FAM168A: variants seen among roughly 807,000 people sequenced by gnomAD.
FAM168A encodes the protein family with sequence similarity 168 member A.
Under a neutral mutation model 28.5 loss-of-function variants are expected in FAM168A, and 3 were observed. The observed-to-expected ratio is 0.11, with a 90% confidence interval of 0.05 to 0.27. The LOEUF (loss-of-function observed/expected upper bound fraction) is 0.27, where lower values mean the gene tolerates loss of function less well. Ranked by LOEUF, FAM168A falls within the 10% of genes least tolerant of loss-of-function variation. The pLI is 1.00. For synonymous variants in FAM168A, 122 were observed against 124.2 expected, an observed-to-expected ratio of 0.98 and a Z score of 0.12; for missense variants, 222 against 311.5, an observed-to-expected ratio of 0.71 and a Z score of 2.16.
chr11:73,550,333 T>C (rs1276512167), intron 1 of FAM168A, among the ~76,000 whole-genome samples: 2 of 152,162 alleles, frequency 1.3e-5, no homozygotes, highest in Non-Finnish European at 2.9e-5. Context: ...AGGAAGCTAC[T>C]CAGAGATAAA....
chr11:73,594,067 G>A (rs1473285334), intron 1 of FAM168A, among the ~76,000 whole-genome samples: 1 of 152,136 alleles, frequency 6.6e-6, no homozygotes, highest in Non-Finnish European at 1.5e-5. Flanking sequence ...TTCAGGACAT[G>A]AACTGGTTTG....
rs111840741 is a variant in FAM168A at position 73,543,950 on chromosome 11, G to C, written c.-19+53973C>G. 1.7e-4 allele frequency among the ~76,000 whole-genome samples: 26 copies of C among 152,230 alleles called. 1 individual carries two copies. The highest frequency in any genetic ancestry group is 6.0e-4 in the African/African-American group (25 of 41,544). Reference sequence around the variant, plus strand: ...TTAAGAGACCAGCCTGGGCAACATAGCAAGACTCTACCTCTACAAAAAATA... The same window carrying C: ...TTAAGAGACCAGCCTGGGCAACATACCAAGACTCTACCTCTACAAAAAATA... On this transcript the variant is annotated intron_variant, in intron 1 of 7. Transcript: ENST00000356467.
intron 1 of FAM168A, among the ~76,000 whole-genome samples, chr11:73,577,777 T>C (rs1191599904): frequency 2.6e-5 from 4 of 152,220 alleles, no homozygotes; most frequent in African/African-American, 9.6e-5. Context: ...AACATAGGCA[T>C]AAAGAATGCA....
chr11:73,588,001 C>T (rs1375723177), intron 1 of FAM168A, among the ~76,000 whole-genome samples: 2 of 152,120 alleles, frequency 1.3e-5, no homozygotes, highest in Non-Finnish European at 2.9e-5. Context: ...CCACCCACCT[C>T]GGCCTCCCAA....
intron 1 of FAM168A, among the ~76,000 whole-genome samples, chr11:73,543,454 T>C (rs1943683115): frequency 6.6e-6 from 1 of 151,864 alleles, no homozygotes; most frequent in Admixed American, 6.6e-5. Context: ...AGACACGGGG[T>C]TTCGCCATGT....
At chr11:73,579,273 C>T (rs898603225) in intron 1 of FAM168A, among the ~76,000 whole-genome samples, 2 of 152,174 alleles carry the variant, frequency 1.3e-5, no homozygotes, top group Non-Finnish European at 2.9e-5. Flanking sequence ...ATGTGCCAAA[C>T]ACTGAACTAA....
At chr11:73,534,413 T>C (rs978378117) in intron 1 of FAM168A, among the ~76,000 whole-genome samples, 5 of 151,540 alleles carry the variant, frequency 3.3e-5, no homozygotes, top group African/African-American at 1.2e-4. Flanking sequence ...ATTTATTTTT[T>C]TTTTTTTGAG....
At chr11:73,466,944 A>G (rs2134573813) in intron 2 of FAM168A, among the ~76,000 whole-genome samples, 1 of 152,226 alleles carries the variant, frequency 6.6e-6, no homozygotes, top group Admixed American at 6.5e-5. Context: ...TCCCCTACAT[A>G]AAGTTGGGAC....
chr11:73,426,458 A>AGC (rs1440217290), intron 3 of FAM168A, among the ~76,000 whole-genome samples: 10 of 152,318 alleles, frequency 6.6e-5, no homozygotes, highest in Admixed American at 6.5e-4. Context: ...GTCTCCTTAA[A>AGC]GCAGCTGAAA....
chr11:73,439,292 C>T (rs1317110946), intron 2 of FAM168A, among the ~76,000 whole-genome samples: 1 of 152,164 alleles, frequency 6.6e-6, no homozygotes, highest in Non-Finnish European at 1.5e-5. Context: ...GGCAGCTCCT[C>T]CTGAGGTAAC....
intron 1 of FAM168A, among the ~76,000 whole-genome samples, chr11:73,594,241 AGGTATAC>A (rs2134751510): frequency 6.6e-6 from 1 of 151,846 alleles, no homozygotes; most frequent in Admixed American, 6.6e-5. Flanking sequence ...CTGGGATTAC[AGGTATAC>A]GCTACCACAC....
chr11:73,593,298 ATTCT>A (rs1220660127), intron 1 of FAM168A, among the ~76,000 whole-genome samples: 1 of 152,150 alleles, frequency 6.6e-6, no homozygotes, highest in Non-Finnish European at 1.5e-5. Flanking sequence ...TCAATTTGTT[ATTCT>A]TTAAGTTGTG....
At chr11:73,466,532 C>T (rs970093083) in intron 2 of FAM168A, among the ~76,000 whole-genome samples, 19 of 152,008 alleles carry the variant, frequency 1.2e-4, no homozygotes, top group Admixed American at 6.5e-4. Flanking sequence ...TATGTTCTTA[C>T]CAAATGATAA....
intron 1 of FAM168A, among the ~76,000 whole-genome samples, chr11:73,513,764 C>T (rs1270008191): frequency 1.3e-5 from 2 of 152,126 alleles, no homozygotes; most frequent in Admixed American, 6.6e-5. Context: ...GTTACCACAG[C>T]ATAATTCTGC....
intron 2 of FAM168A, among the ~76,000 whole-genome samples, chr11:73,439,591 AT>A (rs913669432): frequency 1.0e-4 from 15 of 150,354 alleles, no homozygotes; most frequent in African/African-American, 3.2e-4. Flanking sequence ...CCTCAGGACA[AT>A]TTTTTTTTTA....
At chr11:73,434,211 T>G (rs2134517373) in intron 2 of FAM168A, among the ~76,000 whole-genome samples, 1 of 152,300 alleles carries the variant, frequency 6.6e-6, no homozygotes, top group Middle Eastern at 3.4e-3. Flanking sequence ...TGCCAGACAC[T>G]GGTTTAGGGA....
intron 1 of FAM168A, among the ~76,000 whole-genome samples, chr11:73,568,339 T>C (rs1452867432): frequency 6.6e-6 from 1 of 152,154 alleles, no homozygotes; most frequent in Admixed American, 6.5e-5. Context: ...AAATCTACAA[T>C]CTGGAACAAC....
intron 1 of FAM168A, among the ~76,000 whole-genome samples, chr11:73,553,802 T>C (rs558078326): frequency 6.5e-4 from 94 of 144,932 alleles, no homozygotes; most frequent in Non-Finnish European, 1.2e-3. Context: ...GGCAACATGG[T>C]GAAACCCTAC....
intron 1 of FAM168A, among the ~76,000 whole-genome samples, chr11:73,531,597 T>C (rs1246781663): frequency 6.6e-6 from 1 of 152,162 alleles, no homozygotes; most frequent in Non-Finnish European, 1.5e-5. Flanking sequence ...GGAAGAGATC[T>C]TGAGAGCCCC....
Sources: gnomAD v4.1 joint callset for allele counts (sites outside exome capture counted in the v4.1 genomes callset) on GRCh38, gnomAD v4.1.1 for gene constraint, MANE v1.5 for transcripts, NCBI Gene and HGNC (gene_info 2026-07-23, HGNC 2026-07-21) for gene names.